Variants in ARID2 observed in about 807,000 individuals in gnomAD.
The protein encoded by ARID2 is AT-rich interactive domain-containing protein 2.
Under a neutral mutation model 184.6 loss-of-function variants are expected in ARID2, and 32 were observed. The ratio of observed to expected loss-of-function variants is 0.17; its 90% CI spans 0.13 to 0.23. The LOEUF is 0.23. ARID2 is among the 10% of genes least tolerant of loss of function. The pLI is 1.00. For missense variants in ARID2, 1,696 were observed against 2,197.6 expected, an observed-to-expected ratio of 0.77 and a Z score of 4.56; for synonymous variants, 836 against 772.6, an observed-to-expected ratio of 1.08 and a Z score of -1.36.
rs1005329089 is a variant in ARID2 at position 45,852,887 on chromosome 12, G to A, written c.4764G>A (p.Val1588=). The change falls in exon 15 of 21, where the codon GTG becomes GTA. Residue 1588 remains valine, a synonymous_variant. Transcript: ENST00000334344. ...ATCCACCAACATATGTACAGAATGTGGTCCCGCAGGTAAGTTATTCCATGA... is the reference window on the plus strand; with the variant it reads ...ATCCACCAACATATGTACAGAATGTAGTCCCGCAGGTAAGTTATTCCATGA... ...QQHPPTYVQN[V]VPQNTPMPPS... is the part of the protein sequence containing the mutation. 6.4e-7 allele frequency: 1 copy of A among 1,570,828 alleles called. No individual in the cohort carries two copies. The highest frequency in any genetic ancestry group is 1.2e-5 in the South Asian group (1 of 85,074).
chr12:45,872,729 T>C (rs1943946272), intron 16 of ARID2, among the ~76,000 whole-genome samples: 1 of 152,172 alleles, frequency 6.6e-6, no homozygotes, highest in Non-Finnish European at 1.5e-5. Flanking sequence ...TTTAATTCCA[T>C]TGTGGTTTCA....
At chr12:45,866,367 T>C (rs527848102) in intron 16 of ARID2, among the ~76,000 whole-genome samples, 1 of 152,298 alleles carries the variant, frequency 6.6e-6, no homozygotes, top group East Asian at 1.9e-4. Flanking sequence ...GTTAACTATA[T>C]CTCATATTAA....
intron 4 of ARID2, among the ~76,000 whole-genome samples, chr12:45,816,736 C>T (rs1942810982): frequency 6.6e-6 from 1 of 152,150 alleles, no homozygotes; most frequent in African/African-American, 2.4e-5. Flanking sequence ...TACTGATGCA[C>T]TTATCAACAT....
chr12:45,762,751 A>G (rs371102761), intron 3 of ARID2, among the ~76,000 whole-genome samples: 3 of 152,142 alleles, frequency 2.0e-5, no homozygotes, highest in Admixed American at 6.5e-5. Flanking sequence ...ACCAAAACCT[A>G]TATCTTACTT....
At chr12:45,836,467 T>C in intron 6 of ARID2, 122 bp from the exon 7 acceptor site, 1 of 853,314 alleles carries the variant, frequency 1.2e-6, no homozygotes, top group Non-Finnish European at 1.7e-6. Context: ...CCTCCCATCT[T>C]GGCCTCTTAA....
At chr12:45,861,961 A>G (rs529377486) in intron 16 of ARID2, among the ~76,000 whole-genome samples, 64 of 152,292 alleles carry the variant, frequency 4.2e-4, no homozygotes, top group Non-Finnish European at 3.7e-4. Context: ...AGAAATTACC[A>G]TATCTTTTAC....
rs767266553 is a variant in ARID2 at position 45,892,032 on chromosome 12, G to T, written c.5083G>T (p.Ala1695Ser). The T allele has an allele frequency of 6.2e-7, 1 of 1,614,136 alleles. No individual in the cohort carries two copies. The highest frequency in any genetic ancestry group is 1.1e-5 in the South Asian group (1 of 91,076). The change falls in exon 18 of 21, where the codon GCC (alanine) becomes TCC (serine). Residue 1695 changes from alanine to serine, a missense_variant. Physicochemically the swap from Ala to Ser is moderately conservative, Grantham distance 99. Coordinates refer to ENST00000334344, the MANE Select transcript of ARID2 (RefSeq NM_152641.4). Reference protein sequence around the residue: ...HLQDKHCSKDALLAGLKQDEP... With the variant: ...HLQDKHCSKDSLLAGLKQDEP... Reference sequence around the variant, plus strand: ...AAAGGATAAGCACTGTTCAAAGGATGCCCTACTTGCAGGATTAAAACAAGA... The same window carrying T: ...AAAGGATAAGCACTGTTCAAAGGATTCCCTACTTGCAGGATTAAAACAAGA...
chr12:45,894,071 TCA>T (rs1178138433), intron 20 of ARID2, among the ~76,000 whole-genome samples: 1 of 152,176 alleles, frequency 6.6e-6, no homozygotes, highest in Non-Finnish European at 1.5e-5. Flanking sequence ...CAAATGAAAT[TCA>T]GTTTGACACC....
chr12:45,730,991 A>AC (rs915732221), intron 2 of ARID2, among the ~76,000 whole-genome samples: 61 of 145,220 alleles, frequency 4.2e-4, no homozygotes, highest in Non-Finnish European at 7.2e-4. Flanking sequence ...AACCCACCAA[A>AC]CCCCCCCACC....
chr12:45,903,473 T>TA (rs1944484108), intron 20 of ARID2, among the ~76,000 whole-genome samples: 1 of 152,224 alleles, frequency 6.6e-6, no homozygotes, highest in Non-Finnish European at 1.5e-5. Context: ...CTACTCCATG[T>TA]ACTTGCCAAC....
intron 3 of ARID2, among the ~76,000 whole-genome samples, chr12:45,744,011 T>C (rs1565579598): frequency 6.6e-6 from 1 of 152,204 alleles, no homozygotes; most frequent in Non-Finnish European, 1.5e-5. Context: ...TTTTTTTCTT[T>C]TTTTTAGAAT....
chr12:45,875,657 C>T (rs1943998289), intron 16 of ARID2, among the ~76,000 whole-genome samples: 1 of 152,200 alleles, frequency 6.6e-6, no homozygotes, highest in Non-Finnish European at 1.5e-5. Flanking sequence ...TTAGCTAGGT[C>T]TTCTGGATAA....
In ARID2 at chr12:45,781,160, T is replaced by G. The variant is rs147424084; in HGVS notation, c.285-30258T>G. Among the ~76,000 whole-genome samples, 819 of 150,762 alleles carry G rather than the reference T, an allele frequency of 5.4e-3. 7 individuals carry two copies. Among genetic ancestry groups the G allele is most frequent in the African/African-American group, 0.019 (781 of 40,998 alleles). On this transcript the variant is annotated intron_variant, in intron 3 of 20. Transcript: ENST00000334344. Reference sequence around the variant, plus strand: ...CAACAAACATTTATTATCTTAAAGTTTCTGTGAGTTCTGAATCTGGGCACA... The same window carrying G: ...CAACAAACATTTATTATCTTAAAGTGTCTGTGAGTTCTGAATCTGGGCACA...
chr12:45,890,788 G>A (rs1014482681), intron 16 of ARID2, among the ~76,000 whole-genome samples: 2 of 151,740 alleles, frequency 1.3e-5, no homozygotes, highest in Admixed American at 6.6e-5. Flanking sequence ...TTTGTTACAC[G>A]TTAAAAACTG....
In ARID2 at chr12:45,860,310, A is replaced by G. The variant is rs538286555; in HGVS notation, c.4774-491A>G. Among the ~76,000 whole-genome samples the G allele has an allele frequency of 2.0e-5, 3 of 152,368 alleles. No individual in the cohort carries two copies. In the East Asian group the frequency reaches 5.8e-4, roughly 29 times the overall value. ...TGCAAATTAGTTAATATCATATTTT[A>G]TACATATGGTTACATCATTATTGCT... is the stretch of plus-strand genomic sequence containing the variant. On this transcript the variant is annotated intron_variant, in intron 15 of 20. Transcript: ENST00000334344.
chr12:45,862,317 T>C (rs1405749923), intron 16 of ARID2, among the ~76,000 whole-genome samples: 1 of 152,238 alleles, frequency 6.6e-6, no homozygotes, highest in Admixed American at 6.5e-5. Context: ...AAAAATTCTT[T>C]AAAAATCAGT....
intron 3 of ARID2, among the ~76,000 whole-genome samples, chr12:45,786,631 T>G (rs1942199838): frequency 6.6e-6 from 1 of 152,234 alleles, no homozygotes; most frequent in Non-Finnish European, 1.5e-5. Context: ...GCGATCCAAC[T>G]ACTGGATATA....
At chr12:45,770,079 C>G (rs961811816) in intron 3 of ARID2, among the ~76,000 whole-genome samples, 1 of 151,912 alleles carries the variant, frequency 6.6e-6, no homozygotes, top group African/African-American at 2.4e-5. Flanking sequence ...ACAGTGAAAC[C>G]CCATCTCTAC....
intron 6 of ARID2, among the ~76,000 whole-genome samples, chr12:45,821,768 T>C (rs969185139): frequency 6.6e-6 from 1 of 152,186 alleles, no homozygotes; most frequent in Non-Finnish European, 1.5e-5. Flanking sequence ...ATTCTGAGAA[T>C]GGGTTTCAGG....
Sources: allele counts gnomAD v4.1 joint callset (sites outside exome capture counted in the v4.1 genomes callset), GRCh38; gene constraint gnomAD v4.1.1; transcripts MANE v1.5; gene names NCBI Gene and HGNC (gene_info 2026-07-23, HGNC 2026-07-21).